AKNA: variants seen among roughly 807,000 people sequenced by gnomAD.
AKNA encodes the protein AT-hook transcription factor.
Under a neutral mutation model 138.8 loss-of-function variants are expected in AKNA, and 67 were observed. The observed-to-expected ratio is 0.48, with a 90% CI of 0.40 to 0.59. The LOEUF (loss-of-function observed/expected upper bound fraction) is 0.59. Ranked by LOEUF, AKNA falls within the 20% of genes least tolerant of loss-of-function variation. The pLI is 0.00. For missense variants in AKNA, 1,813 were observed against 1,880.4 expected, an observed-to-expected ratio of 0.96 and a Z score of 0.66; for synonymous variants, 737 against 754.4, an observed-to-expected ratio of 0.98 and a Z score of 0.38.
intron 20 of AKNA, 41 bp downstream of exon 20, chr9:114,341,968 C>G (rs777929983): frequency 1.3e-6 from 2 of 1,563,548 alleles, no homozygotes; most frequent in Non-Finnish European, 1.8e-6. Flanking sequence ...TCAAGGAGAG[C>G]TGAGGGTCTG....
intron 1 of AKNA, among the ~76,000 whole-genome samples, chr9:114,385,421 G>A (rs1285108049): frequency 6.6e-6 from 1 of 152,264 alleles, no homozygotes. Flanking sequence ...GTTATGGCAG[G>A]TGGAGAAGAG....
intron 21 of AKNA, 105 bp from the exon 22 acceptor site, chr9:114,337,411 G>A: frequency 1.6e-6 from 2 of 1,216,710 alleles, no homozygotes; most frequent in Non-Finnish European, 1.1e-6. Flanking sequence ...AGCTGGGCCA[G>A]TGGCTCCTAC....
chr9:114,368,983 T>C (rs1832572015), intron 4 of AKNA, among the ~76,000 whole-genome samples: 1 of 152,212 alleles, frequency 6.6e-6, no homozygotes, highest in Admixed American at 6.5e-5. Context: ...ATGTGTGTTA[T>C]AATTATATCA....
At position 114,368,457 on chromosome 9, in the gene AKNA, G is replaced by T; in HGVS notation, c.1555C>A (p.Gln519Lys). 1 of 1,330,426 alleles carries T rather than the reference G, an allele frequency of 7.5e-7. No individual in the cohort carries two copies. The highest frequency in any genetic ancestry group is 9.7e-7 in the Non-Finnish European group (1 of 1,030,642). The allele number at this position is 1,330,426 out of a possible 1,614,324, so 82.4% of individuals were successfully genotyped here. The change falls in exon 5 of 22, where the codon CAG (glutamine) becomes AAG (lysine). Residue 519 changes from glutamine to lysine, a missense_variant. Transcript: ENST00000374088. Reference sequence around the variant, plus strand: ...GACTCACCTGAGGCCGCAGAGGCCTGGGGGTCCTCGGCCGGGCCCGGCCAC... The same window carrying T: ...GACTCACCTGAGGCCGCAGAGGCCTTGGGGTCCTCGGCCGGGCCCGGCCAC... ...EWWPGPAEDP[Q>K]ASAASGWPSA...
upstream of AKNA, among the ~76,000 whole-genome samples, chr9:114,394,907 T>C (rs962729219): frequency 6.6e-6 from 1 of 152,218 alleles, no homozygotes; most frequent in African/African-American, 2.4e-5. Context: ...CATCCCACTC[T>C]GGCCCTGATC....
At chr9:114,345,667 G>T in intron 18 of AKNA, 196 bp downstream of exon 18, 2 of 551,398 alleles carry the variant, frequency 3.6e-6, no homozygotes, top group South Asian at 4.7e-5. Flanking sequence ...TTTGCTGAAT[G>T]AATGAATGAA....
At position 114,352,882 on chromosome 9, in the gene AKNA, T is replaced by C. The variant is rs143338440; in HGVS notation, c.3059-1861A>G. Among the ~76,000 whole-genome samples, 10 of 151,472 alleles carry C rather than the reference T, an allele frequency of 6.6e-5. 1 individual carries two copies. The East Asian group carries it at 1.8e-3, about 27-fold the overall frequency. ...GTTGCAGTGAGCAGAGAGTGCACCA[T>C]TGCACTCCAGCCTGGACAACAGAGC... On this transcript the variant is annotated intron_variant, in intron 14 of 21. Transcript: ENST00000374088.
At position 114,367,584 on chromosome 9, in the gene AKNA, TCTGCTCTGCTGAGGACTGGTC is replaced by T; in HGVS notation, c.1666_1686del (p.Asp556_Gln562del). On this transcript the variant is annotated inframe_deletion, in exon 6 of 22. Coordinates refer to ENST00000374088, the MANE Select transcript of AKNA (RefSeq NM_001317950.2). Reference sequence around the variant, plus strand: ...CTGGCCTGAGAAGCCAGTGCCTGGGTCTGCTCTGCTGAGGACTGGTCCTCAGAGATGTCCCGGTTCTCCGGA... The same window carrying T: ...CTGGCCTGAGAAGCCAGTGCCTGGGTCTCAGAGATGTCCCGGTTCTCCGGA... 1 of 1,613,664 alleles carries T rather than the reference TCTGCTCTGCTGAGGACTGGTC, an allele frequency of 6.2e-7. No individual in the cohort carries two copies. The highest frequency in any genetic ancestry group is 1.7e-4 in the Middle Eastern group (1 of 5,914).
At chr9:114,363,794 C>T (rs2787350) in intron 7 of AKNA, among the ~76,000 whole-genome samples, 86,536 of 151,810 alleles carry the variant, frequency 0.57, 25,075 homozygotes, top group African/African-American at 0.69. Flanking sequence ...TGCTACTACC[C>T]GGGGATTCCT....
At chr9:114,358,393 C>T in intron 11 of AKNA, 5 of 547,500 alleles carry the variant, frequency 9.1e-6, no homozygotes, top group Non-Finnish European at 1.3e-5. Flanking sequence ...CAACAAAACC[C>T]ACCCAACACC....
At position 114,359,716 on chromosome 9, in the gene AKNA, CTCTTCCTCCTCCTCCTCCTCTCCT is replaced by C. The variant is rs1212451802; in HGVS notation, c.2346_2369del (p.Glu784_Gly791del). The C allele has an allele frequency of 5.0e-6, 8 of 1,610,016 alleles. No homozygotes were observed. The highest frequency in any genetic ancestry group is 6.8e-6 in the Non-Finnish European group (8 of 1,177,814). On this transcript the variant is annotated inframe_deletion, in exon 11 of 22. Coordinates refer to ENST00000374088, the MANE Select transcript of AKNA (RefSeq NM_001317950.2). ...CAACTTCCAGGGAGTCACCTCCCCCCTCTTCCTCCTCCTCCTCCTCTCCTTCTTCCTCCTCCTCCATTCTCATGG... is the reference window on the plus strand; with the variant it reads ...CAACTTCCAGGGAGTCACCTCCCCCCTCTTCCTCCTCCTCCATTCTCATGG...
chr9:114,374,051 G>A (rs1450086227), intron 4 of AKNA, 42 bp downstream of exon 4: 14 of 1,543,654 alleles, frequency 9.1e-6, no homozygotes, highest in African/African-American at 5.5e-5. Context: ...TCACCTCCTC[G>A]GGGACTTGGG....
chr9:114,367,543 C>G lies in AKNA; in HGVS notation c.1728G>C (p.Lys576Asn). 3 of 1,613,050 alleles carry G rather than the reference C, an allele frequency of 1.9e-6. No homozygotes were observed. Among genetic ancestry groups the G allele is most frequent in the Non-Finnish European group, 2.5e-6 (3 of 1,179,906 alleles). Residue 576 changes from lysine (K) to asparagine (N), a missense_variant and splice_region_variant, in exon 6 of 22, where the codon AAG (lysine) becomes AAC (asparagine). Transcript: ENST00000374088. ...LASQASQFLA[K>N]VESFERLIQA... ...GGGGCAAAGCTGGGAGTCCACTCACCTTGGCCAGGAACTGGCTGGCCTGAG... is the reference window on the plus strand; with the variant it reads ...GGGGCAAAGCTGGGAGTCCACTCACGTTGGCCAGGAACTGGCTGGCCTGAG...
intron 6 of AKNA, among the ~76,000 whole-genome samples, chr9:114,365,213 A>G (rs1832255056): frequency 6.6e-6 from 1 of 152,234 alleles, no homozygotes; most frequent in Non-Finnish European, 1.5e-5. Context: ...AGGAATGAGA[A>G]GTAGATTTTT....
chr9:114,346,866 G>T, intron 16 of AKNA, 82 bp from the exon 17 acceptor site: 1 of 1,154,240 alleles, frequency 8.7e-7, no homozygotes. Flanking sequence ...GTTCAACCTG[G>T]AGAAATGCTT....
chr9:114,362,403 T>C lies in AKNA; in HGVS notation c.1916+3A>G, dbSNP rs747745111. On this transcript the variant is annotated splice_donor_region_variant and intron_variant, in intron 8 of 21. Coordinates refer to ENST00000374088, the MANE Select transcript of AKNA (RefSeq NM_001317950.2). ...CTTCCAGGCCTTCCACCCCAGCAGGTACCTGCGAGGATCAAATCTTCCAGG... is the reference window on the plus strand; with the variant it reads ...CTTCCAGGCCTTCCACCCCAGCAGGCACCTGCGAGGATCAAATCTTCCAGG... The C allele has an allele frequency of 6.2e-7, 1 of 1,609,864 alleles. No individual in the cohort carries two copies. The highest frequency in any genetic ancestry group is 1.1e-5 in the South Asian group (1 of 90,070).
In AKNA at chr9:114,376,709, G is replaced by A; in HGVS notation, c.1098C>T (p.Pro366=). Reference sequence around the variant, plus strand: ...TCTCATCTTTGGGGAATCTCACCCGGGGCCCTACCTTGGAGAAATCAGGGA... The same window carrying A: ...TCTCATCTTTGGGGAATCTCACCCGAGGCCCTACCTTGGAGAAATCAGGGA... The part of the protein sequence containing the change: ...YPLPDFSKVG[P]RVRFPKDESY... Residue 366 remains proline, a synonymous_variant, in exon 3 of 22, where the codon CCC becomes CCT. Coordinates refer to ENST00000374088, the MANE Select transcript of AKNA (RefSeq NM_001317950.2). 1 of 1,612,840 alleles carries A rather than the reference G, an allele frequency of 6.2e-7. No individual in the cohort carries two copies. Among genetic ancestry groups the A allele is most frequent in the Non-Finnish European group, 8.5e-7 (1 of 1,179,440 alleles).
At chr9:114,381,522 C>T in intron 1 of AKNA, 76 bp from the exon 2 acceptor site, 2 of 1,268,798 alleles carry the variant, frequency 1.6e-6, no homozygotes, top group Non-Finnish European at 2.0e-6. Flanking sequence ...AAGTTACCAG[C>T]AGGAACTCTG....
upstream of AKNA, among the ~76,000 whole-genome samples, chr9:114,389,109 A>G (rs1157924703): frequency 3.3e-5 from 5 of 152,346 alleles, no homozygotes; most frequent in East Asian, 9.6e-4. Flanking sequence ...GTCAAAAGCA[A>G]GCCACAAGAA....
Sources: gnomAD v4.1 joint callset for allele counts (sites outside exome capture counted in the v4.1 genomes callset) on GRCh38, gnomAD v4.1.1 for gene constraint, MANE v1.5 for transcripts, NCBI Gene and HGNC (gene_info 2026-07-23, HGNC 2026-07-21) for gene names.